Variants in GALNT17 observed in about 807,000 individuals in gnomAD.
GALNT17 encodes the protein polypeptide N-acetylgalactosaminyltransferase 17.
A neutral mutation model predicts 63.7 loss-of-function variants in GALNT17; 29 were observed. That is an observed-to-expected ratio of 0.46 (90% CI 0.34 to 0.62). GALNT17 has a LOEUF of 0.62. Ranked by LOEUF, GALNT17 falls within the 20% of genes least tolerant of loss-of-function variation. The probability of loss-of-function intolerance (pLI) is 0.01; values close to 1 mark genes in which losing one functional copy is unlikely to be tolerated. For missense variants in GALNT17, 603 were observed against 799.6 expected (o/e 0.75, Z 2.97); for synonymous variants, 305 against 318.3 (o/e 0.96, Z 0.45).
chr7:71,609,111 T>G (rs1790088571), intron 6 of GALNT17, among the ~76,000 whole-genome samples: 1 of 152,194 alleles, frequency 6.6e-6, no homozygotes, highest in African/African-American at 2.4e-5. Flanking sequence ...AAAGCCATTC[T>G]AGCATGCTCT....
intron 1 of GALNT17, among the ~76,000 whole-genome samples, chr7:71,158,032 G>T (rs1788269061): frequency 6.6e-6 from 1 of 151,612 alleles, no homozygotes; most frequent in African/African-American, 2.4e-5. Flanking sequence ...ATCCATTAAT[G>T]AGTACTTAGG....
At chr7:71,226,192 A>G (rs891598193) in intron 1 of GALNT17, among the ~76,000 whole-genome samples, 5 of 152,230 alleles carry the variant, frequency 3.3e-5, no homozygotes, top group East Asian at 1.9e-4. Context: ...AGGAACTTCA[A>G]TTTTGGAACA....
At chr7:71,171,930 A>C (rs1788553886) in intron 1 of GALNT17, among the ~76,000 whole-genome samples, 1 of 152,116 alleles carries the variant, frequency 6.6e-6, no homozygotes, top group African/African-American at 2.4e-5. Flanking sequence ...CCGTCGTTTG[A>C]GATTTACTTT....
intron 1 of GALNT17, among the ~76,000 whole-genome samples, chr7:71,307,317 CAGT>C (rs1280874749): frequency 6.6e-6 from 1 of 152,024 alleles, no homozygotes; most frequent in Non-Finnish European, 1.5e-5. Flanking sequence ...GTTTTCTTGA[CAGT>C]AGCCATTTTA....
At chr7:71,388,010 C>T (rs1397626330) in intron 2 of GALNT17, among the ~76,000 whole-genome samples, 2 of 152,126 alleles carry the variant, frequency 1.3e-5, no homozygotes, top group Non-Finnish European at 2.9e-5. Context: ...TAACTCACCA[C>T]CTGTAGGGTG....
intron 1 of GALNT17, among the ~76,000 whole-genome samples, chr7:71,268,556 TAAATAAATA>T (rs1031922793): frequency 5.8e-4 from 16 of 27,368 alleles, no homozygotes; most frequent in Non-Finnish European, 1.3e-3. Context: ...TCTCAATAAA[TAAATAAATA>T]AATAAATAAA....
chr7:71,598,747 G>A (rs1562705454), intron 6 of GALNT17, among the ~76,000 whole-genome samples: 1 of 152,092 alleles, frequency 6.6e-6, no homozygotes, highest in Non-Finnish European at 1.5e-5. Flanking sequence ...CCAGGCCTGG[G>A]GTAATCAGAG....
intron 3 of GALNT17, among the ~76,000 whole-genome samples, chr7:71,395,286 T>TA (rs1793118300): frequency 6.6e-6 from 1 of 152,190 alleles, no homozygotes; most frequent in African/African-American, 2.4e-5. Flanking sequence ...TATTTTCTGT[T>TA]ACGATAAATT....
chr7:71,294,093 T>C (rs185727793), intron 1 of GALNT17, among the ~76,000 whole-genome samples: 2,810 of 149,388 alleles, frequency 0.019, 29 homozygotes, highest in Middle Eastern at 0.035. Flanking sequence ...ACCCGGGAGG[T>C]GGAGCTTGCA....
intron 1 of GALNT17, among the ~76,000 whole-genome samples, chr7:71,178,956 T>C (rs1788687385): frequency 6.6e-6 from 1 of 152,204 alleles, no homozygotes; most frequent in South Asian, 2.1e-4. Flanking sequence ...CTGGACACTA[T>C]TAAGTATATG....
chr7:71,177,703 A>T (rs1232119262), intron 1 of GALNT17, among the ~76,000 whole-genome samples: 2 of 152,114 alleles, frequency 1.3e-5, no homozygotes, highest in East Asian at 1.9e-4. Context: ...TTGTTTTTTT[A>T]AAATTAATTT....
chr7:71,263,936 AAAC>A (rs1370741778), intron 1 of GALNT17, among the ~76,000 whole-genome samples: 1 of 152,130 alleles, frequency 6.6e-6, no homozygotes, highest in African/African-American at 2.4e-5. Flanking sequence ...AAAAACAAAA[AAAC>A]AACTTCAGCA....
At chr7:71,678,744 A>G (rs1371660548) in intron 9 of GALNT17, among the ~76,000 whole-genome samples, 1 of 151,616 alleles carries the variant, frequency 6.6e-6, no homozygotes, top group East Asian at 2.0e-4. Flanking sequence ...GCAGTGAGCC[A>G]AGATCGCAAC....
At chr7:71,431,114 G>A (rs1786853955) in intron 5 of GALNT17, among the ~76,000 whole-genome samples, 2 of 151,466 alleles carry the variant, frequency 1.3e-5, no homozygotes, top group African/African-American at 4.9e-5. Context: ...ACACCACAGT[G>A]TTCTATGTGT....
intron 1 of GALNT17, among the ~76,000 whole-genome samples, chr7:71,144,136 C>G (rs1336869364): frequency 6.6e-6 from 1 of 152,138 alleles, no homozygotes; most frequent in Non-Finnish European, 1.5e-5. Context: ...TCCCACTTCT[C>G]TTACACCTTG....
chr7:71,229,842 A>C (rs1350107941), intron 1 of GALNT17, among the ~76,000 whole-genome samples: 1 of 152,146 alleles, frequency 6.6e-6, no homozygotes, highest in Non-Finnish European at 1.5e-5. Flanking sequence ...GCACATTCTC[A>C]CTTGGGTCAC....
At position 71,481,009 on chromosome 7, in the gene GALNT17, A is replaced by T. The variant is rs547696867; in HGVS notation, c.962+59904A>T. Among the ~76,000 whole-genome samples, 5 of 152,312 alleles carry T rather than the reference A, an allele frequency of 3.3e-5. No individual in the cohort carries two copies. The East Asian group carries it at 9.7e-4, about 29-fold the overall frequency. ...GTGACCATAATAAGACAAACAGACCACATCCTGCACTGGCTGGCACCTCTC... is the reference window on the plus strand; with the variant it reads ...GTGACCATAATAAGACAAACAGACCTCATCCTGCACTGGCTGGCACCTCTC... On this transcript the variant is annotated intron_variant, in intron 5 of 10. Coordinates refer to ENST00000333538, the MANE Select transcript of GALNT17 (RefSeq NM_022479.3).
At chr7:71,662,860 G>C (rs1419634587) in intron 6 of GALNT17, among the ~76,000 whole-genome samples, 2 of 152,096 alleles carry the variant, frequency 1.3e-5, no homozygotes, top group Admixed American at 6.6e-5. Context: ...TTATGTTTAG[G>C]TCGTTGATCC....
At chr7:71,530,333 A>AAC (rs144905630) in intron 5 of GALNT17, among the ~76,000 whole-genome samples, 4 of 151,552 alleles carry the variant, frequency 2.6e-5, no homozygotes, top group East Asian at 1.9e-4. Flanking sequence ...GCAACGCAAC[A>AAC]ACACACACAC....
Sources: allele counts gnomAD v4.1 joint callset (sites outside exome capture counted in the v4.1 genomes callset), GRCh38; gene constraint gnomAD v4.1.1; transcripts MANE v1.5; gene names NCBI Gene and HGNC (gene_info 2026-07-23, HGNC 2026-07-21).